ATP9A: variants seen among roughly 807,000 people sequenced by gnomAD.
ATP9A encodes the protein ATPase phospholipid transporting 9A, also known as probable phospholipid-transporting ATPase IIA.
A neutral mutation model predicts 144.1 loss-of-function variants in ATP9A; 52 were observed. The observed-to-expected ratio is 0.36, with a 90% CI of 0.29 to 0.45. ATP9A has a LOEUF of 0.45. Ranked by LOEUF, ATP9A falls within the 20% of genes least tolerant of loss-of-function variation. The pLI is 1.00. For synonymous variants in ATP9A, 582 were observed against 557.4 expected (o/e 1.04, Z -0.62); for missense variants, 947 against 1,392.7 (o/e 0.68, Z 5.09).
chr20:51,654,823 T>A (rs973137947), intron 14 of ATP9A, among the ~76,000 whole-genome samples: 10 of 152,168 alleles, frequency 6.6e-5, no homozygotes, highest in African/African-American at 2.4e-4. Flanking sequence ...CTGTGGGGGT[T>A]CCATGGCACA....
chr20:51,620,999 T>C (rs930744499), intron 19 of ATP9A, among the ~76,000 whole-genome samples: 3 of 151,726 alleles, frequency 2.0e-5, no homozygotes, highest in Non-Finnish European at 2.9e-5. Context: ...ACACAAAAAT[T>C]AGCCAGGTGT....
intron 16 of ATP9A, among the ~76,000 whole-genome samples, chr20:51,628,592 G>A (rs966173539): frequency 1.3e-5 from 2 of 152,220 alleles, no homozygotes; most frequent in Non-Finnish European, 2.9e-5. Flanking sequence ...AAGGAATAGA[G>A]GGCGGCCTCT....
intron 13 of ATP9A, among the ~76,000 whole-genome samples, chr20:51,665,742 G>A (rs2077430223): frequency 7.6e-6 from 1 of 131,562 alleles, no homozygotes; most frequent in African/African-American, 2.7e-5. Flanking sequence ...AAAAAAAAAA[G>A]TACCAGTAAA....
rs1055194529 is a variant in ATP9A, at chr20:51,617,429, T to C, written c.2415+61A>G. ...TCCAGAAGGCTTAAAGCTGTGTCTT[T>C]GAGGGAAAAAGAACCAAGAAACTAC... is the stretch of plus-strand genomic sequence containing the variant. On this transcript the variant is annotated intron_variant, in intron 22 of 27. Coordinates refer to ENST00000338821, the MANE Select transcript of ATP9A (RefSeq NM_006045.3). 13 of 1,524,088 alleles carry C rather than the reference T, an allele frequency of 8.5e-6. No individual in the cohort carries two copies. In the Admixed American group the frequency reaches 1.1e-4, roughly 13 times the overall value. 94.4% of individuals were successfully genotyped at this position (1,524,088 alleles called of 1,614,324 possible).
intron 9 of ATP9A, among the ~76,000 whole-genome samples, chr20:51,687,459 C>T (rs1193257137): frequency 6.6e-6 from 1 of 152,126 alleles, no homozygotes; most frequent in Non-Finnish European, 1.5e-5. Flanking sequence ...CGAGTGTCTA[C>T]TACTGTACTA....
intron 13 of ATP9A, among the ~76,000 whole-genome samples, chr20:51,660,820 C>T (rs144096695): frequency 5.3e-5 from 8 of 152,298 alleles, no homozygotes; most frequent in Non-Finnish European, 1.0e-4. Context: ...TAACCTCCTC[C>T]CCATAGGCCC....
chr20:51,672,509 G>T (rs2077460273), intron 11 of ATP9A, among the ~76,000 whole-genome samples: 1 of 152,154 alleles, frequency 6.6e-6, no homozygotes, highest in Non-Finnish European at 1.5e-5. Context: ...TAAAGTGGAT[G>T]TATTTATCCT....
intron 22 of ATP9A, among the ~76,000 whole-genome samples, chr20:51,615,038 T>C (rs1201300099): frequency 1.6e-5 from 2 of 126,876 alleles, no homozygotes; most frequent in East Asian, 5.1e-4. Context: ...GGGTTGAGCA[T>C]GAATATTATA....
chr20:51,717,752 G>A (rs1205701), intron 3 of ATP9A, among the ~76,000 whole-genome samples: 18,349 of 152,018 alleles, frequency 0.12, 1,178 homozygotes, highest in South Asian at 0.19. Flanking sequence ...TCAGGAGTTC[G>A]AGACCAGCCT....
intron 1 of ATP9A, among the ~76,000 whole-genome samples, chr20:51,750,574 G>A (rs1263161570): frequency 6.6e-6 from 1 of 152,210 alleles, no homozygotes; most frequent in Non-Finnish European, 1.5e-5. Context: ...CTGAGTGTGT[G>A]CCAAGCGCTG....
At chr20:51,764,991 G>T (rs2077897500) in intron 1 of ATP9A, among the ~76,000 whole-genome samples, 1 of 152,132 alleles carries the variant, frequency 6.6e-6, no homozygotes, top group Non-Finnish European at 1.5e-5. Flanking sequence ...AAAGTGCTGG[G>T]ATTACAGGCT....
chr20:51,693,222 T>C (rs1290015883), intron 7 of ATP9A, among the ~76,000 whole-genome samples: 1 of 152,016 alleles, frequency 6.6e-6, no homozygotes, highest in Non-Finnish European at 1.5e-5. Flanking sequence ...CAGGGAGAGG[T>C]GGGCAGAAAG....
At chr20:51,741,483 A>G (rs1405190575) in intron 1 of ATP9A, among the ~76,000 whole-genome samples, 1 of 152,168 alleles carries the variant, frequency 6.6e-6, no homozygotes, top group African/African-American at 2.4e-5. Flanking sequence ...GGGCTGACAC[A>G]GGACAATCGC....
chr20:51,617,618 T>A, intron 21 of ATP9A, 64 bp from the exon 22 acceptor site: 1 of 1,556,256 alleles, frequency 6.4e-7, no homozygotes, highest in Non-Finnish European at 8.8e-7. Flanking sequence ...GAATGTATGC[T>A]TGTCTTTACC....
chr20:51,766,400 T>G (rs530973312), intron 1 of ATP9A, among the ~76,000 whole-genome samples: 1 of 152,210 alleles, frequency 6.6e-6, no homozygotes, highest in African/African-American at 2.4e-5. Flanking sequence ...CTGCACATAG[T>G]AGGCGTCTCA....
intron 22 of ATP9A, among the ~76,000 whole-genome samples, chr20:51,614,590 T>G (rs1397464630): frequency 1.3e-5 from 2 of 152,132 alleles, no homozygotes; most frequent in Non-Finnish European, 2.9e-5. Flanking sequence ...CATGAGCAGC[T>G]GCACCTGGCC....
At chr20:51,642,273 G>C (rs1038988339) in intron 14 of ATP9A, among the ~76,000 whole-genome samples, 1 of 151,968 alleles carries the variant, frequency 6.6e-6, no homozygotes, top group Non-Finnish European at 1.5e-5. Context: ...TCCTGCATCA[G>C]CCTCCCAAGT....
intron 1 of ATP9A, among the ~76,000 whole-genome samples, chr20:51,752,053 CAAAA>C (rs5841860): frequency 3.5e-5 from 5 of 143,964 alleles, no homozygotes; most frequent in East Asian, 4.0e-4. Context: ...GGAACAACAA[CAAAA>C]AAAAAAAAAC....
At chr20:51,605,998 G>A (rs536561811) in intron 26 of ATP9A, among the ~76,000 whole-genome samples, 83 of 152,206 alleles carry the variant, frequency 5.5e-4, no homozygotes, top group Middle Eastern at 3.4e-3. Flanking sequence ...AGCCAGTCGC[G>A]GTGGCTTACG....
Sources: gnomAD v4.1 joint callset for allele counts (sites outside exome capture counted in the v4.1 genomes callset) on GRCh38, gnomAD v4.1.1 for gene constraint, MANE v1.5 for transcripts, NCBI Gene and HGNC (gene_info 2026-07-23, HGNC 2026-07-21) for gene names.